ZNF678: variants seen among roughly 807,000 people sequenced by gnomAD.
ZNF678 encodes hypothetical protein MGC42493.
Under a neutral mutation model 3.0 loss-of-function variants are expected in ZNF678, and 5 were observed. The ratio of observed to expected loss-of-function variants is 1.69; its 90% CI spans 0.88 to 3.56. ZNF678 has a LOEUF of 3.56. ZNF678 is among the 30% of genes most tolerant of loss of function. ZNF678 has a pLI of 0.00. For synonymous variants in ZNF678, 218 were observed against 199.6 expected (o/e 1.09, Z -0.78); for missense variants, 593 against 605.0 (o/e 0.98, Z 0.21).
intron 1 of ZNF678, among the ~76,000 whole-genome samples, chr1:227,608,743 T>C (rs1231053434): frequency 1.3e-5 from 2 of 152,142 alleles, no homozygotes; most frequent in African/African-American, 4.8e-5. Flanking sequence ...TAAGAGCACT[T>C]AAAATGCCCG....
chr1:227,612,854 C>T (rs1053674290), intron 1 of ZNF678, among the ~76,000 whole-genome samples: 11 of 151,956 alleles, frequency 7.2e-5, no homozygotes, highest in African/African-American at 2.7e-4. Flanking sequence ...GTGACACCTA[C>T]AACCTACACT....
Position 227,662,268 on chromosome 1 carries a change from A to G in ZNF678, c.*6440A>G, listed in dbSNP as rs1659428036. ...AGAAAACACAGGCTTTTGCACATCC[A>G]ATGTCTCCTTAAAGCATGTGGTTCA... On this transcript the variant is annotated 3_prime_UTR_variant, in exon 4 of 4. Coordinates refer to ENST00000343776, the MANE Select transcript of ZNF678 (RefSeq NM_001367909.1). 1 of 152,218 alleles carries G rather than the reference A, an allele frequency of 6.6e-6. No individual in the cohort carries two copies. Among genetic ancestry groups the G allele is most frequent in the South Asian group, 2.1e-4 (1 of 4,828 alleles). The allele number at this position is 152,218 out of a possible 1,614,324, so 9.4% of individuals were successfully genotyped here.
At chr1:227,584,868 T>C (rs926504041) in intron 1 of ZNF678, among the ~76,000 whole-genome samples, 18 of 152,124 alleles carry the variant, frequency 1.2e-4, no homozygotes, top group South Asian at 2.1e-4. Flanking sequence ...TTATGAAACA[T>C]TGAGGCTGAT....
chr1:227,582,175 G>GCACA (rs35625890), intron 1 of ZNF678, among the ~76,000 whole-genome samples: 32 of 150,542 alleles, frequency 2.1e-4, no homozygotes, highest in Non-Finnish European at 3.6e-4. Flanking sequence ...ATATACACAC[G>GCACA]CACACACACA....
intron 1 of ZNF678, among the ~76,000 whole-genome samples, chr1:227,587,528 G>C (rs1165201352): frequency 6.6e-6 from 1 of 152,088 alleles, no homozygotes; most frequent in East Asian, 1.9e-4. Flanking sequence ...ATCTTGTCTA[G>C]AACCAAAAGT....
intron 1 of ZNF678, among the ~76,000 whole-genome samples, chr1:227,578,606 T>C (rs540921434): frequency 6.6e-6 from 1 of 152,376 alleles, no homozygotes; most frequent in Admixed American, 6.5e-5. Context: ...TATGTTCTTT[T>C]CTATACTGGC....
chr1:227,615,307 A>G (rs1658116522), intron 1 of ZNF678, among the ~76,000 whole-genome samples: 1 of 152,186 alleles, frequency 6.6e-6, no homozygotes, highest in South Asian at 2.1e-4. Context: ...TGTTTAGTTT[A>G]ACAGTTTCTT....
At chr1:227,581,735 C>G (rs760147474) in intron 1 of ZNF678, among the ~76,000 whole-genome samples, 37 of 152,120 alleles carry the variant, frequency 2.4e-4, no homozygotes, top group Admixed American at 1.8e-3. Flanking sequence ...TAGTGCATGT[C>G]TTTGTTGCCA....
chr1:227,679,149 A>T (rs1166580849), downstream of ZNF678, among the ~76,000 whole-genome samples: 1 of 152,214 alleles, frequency 6.6e-6, no homozygotes, highest in Non-Finnish European at 1.5e-5. Flanking sequence ...CTTAAATGAA[A>T]ATGAGACCAA....
chr1:227,566,080 A>G (rs1257568148), intron 1 of ZNF678, among the ~76,000 whole-genome samples: 1 of 152,142 alleles, frequency 6.6e-6, no homozygotes, highest in Non-Finnish European at 1.5e-5. Context: ...CTCTTATCCT[A>G]GTCCTGAATT....
chr1:227,602,496 A>C (rs1488381140), intron 1 of ZNF678, among the ~76,000 whole-genome samples: 1 of 151,998 alleles, frequency 6.6e-6, no homozygotes, highest in Non-Finnish European at 1.5e-5. Context: ...TATTTGGACC[A>C]CACACCCTAT....
chr1:227,667,332 C>A (rs922629969), downstream of ZNF678, among the ~76,000 whole-genome samples: 1 of 152,104 alleles, frequency 6.6e-6, no homozygotes, highest in Non-Finnish European at 1.5e-5. Flanking sequence ...CACCACACCC[C>A]ACTGAGAACA....
At chr1:227,575,225 G>A (rs888066608) in intron 1 of ZNF678, among the ~76,000 whole-genome samples, 2 of 152,114 alleles carry the variant, frequency 1.3e-5, no homozygotes, top group African/African-American at 4.8e-5. Flanking sequence ...TGGCTATTCA[G>A]GCTATTTTTT....
chr1:227,592,702 G>A (rs748525128), intron 1 of ZNF678, among the ~76,000 whole-genome samples: 13 of 152,136 alleles, frequency 8.5e-5, no homozygotes, highest in Non-Finnish European at 1.5e-4. Flanking sequence ...TATTCCTTGC[G>A]GGGCTCCAGT....
intron 2 of ZNF678, among the ~76,000 whole-genome samples, chr1:227,650,239 C>T (rs1659057032): frequency 6.6e-6 from 1 of 152,106 alleles, no homozygotes; most frequent in Non-Finnish European, 1.5e-5. Context: ...ATTCTTTTTG[C>T]CCAGCATCAA....
At position 227,656,571 on chromosome 1, in the gene ZNF678, C is replaced by T. The variant is rs2102809188; in HGVS notation, c.*743C>T. ...ATATTAGATGACCATCATTTATATG[C>T]TTTTTCATGAATGATTAAGGGCACC... On this transcript the variant is annotated 3_prime_UTR_variant, in exon 4 of 4. Transcript: ENST00000343776. 1 of 151,834 alleles carries T rather than the reference C, an allele frequency of 6.6e-6. No homozygotes were observed. The highest frequency in any genetic ancestry group is 6.6e-5 in the Admixed American group (1 of 15,204). 9.4% of individuals were successfully genotyped at this position (151,834 alleles called of 1,614,324 possible).
chr1:227,668,152 G>A (rs928736170), intron 5 of ZNF678, among the ~76,000 whole-genome samples: 1 of 152,058 alleles, frequency 6.6e-6, no homozygotes, highest in African/African-American at 2.4e-5. Context: ...GTATCCCCCA[G>A]GAAGAAGTCA....
At chr1:227,619,346 T>TG (rs989248756) in intron 1 of ZNF678, among the ~76,000 whole-genome samples, 5 of 152,316 alleles carry the variant, frequency 3.3e-5, no homozygotes, top group Middle Eastern at 6.8e-3. Flanking sequence ...GAGAAGGTTA[T>TG]GGGAGCCCCT....
At chr1:227,593,417 T>A (rs548981233) in intron 1 of ZNF678, among the ~76,000 whole-genome samples, 2 of 152,274 alleles carry the variant, frequency 1.3e-5, no homozygotes, top group South Asian at 4.2e-4. Context: ...GTTGGGGCAG[T>A]CCATCCTTGC....
Sources: gnomAD v4.1 joint callset for allele counts (sites outside exome capture counted in the v4.1 genomes callset) on GRCh38, gnomAD v4.1.1 for gene constraint, MANE v1.5 for transcripts, NCBI Gene and HGNC (gene_info 2026-07-23, HGNC 2026-07-21) for gene names.